Variants in POLR2B observed in about 807,000 individuals in gnomAD.
POLR2B encodes DNA-directed RNA polymerase II subunit RPB2.
A neutral mutation model predicts 144.6 loss-of-function variants in POLR2B; 57 were observed. The ratio of observed to expected loss-of-function variants is 0.39; its 90% CI spans 0.32 to 0.49. POLR2B has a LOEUF of 0.49. Ranked by LOEUF, POLR2B falls within the 20% of genes least tolerant of loss-of-function variation. The probability of loss-of-function intolerance (pLI) is 0.83; values close to 1 mark genes in which losing one functional copy is unlikely to be tolerated. For synonymous variants in POLR2B, 442 were observed against 469.8 expected (o/e 0.94, Z 0.77); for missense variants, 595 against 1,467.4 (o/e 0.41, Z 9.71).
In POLR2B at chr4:57,005,186, T is replaced by C; in HGVS notation, c.901-60T>C. 3 of 947,440 alleles carry C rather than the reference T, an allele frequency of 3.2e-6. No individual in the cohort carries two copies. The South Asian group carries it at 6.6e-5, about 21-fold the overall frequency. 58.7% of individuals were successfully genotyped at this position (947,440 alleles called of 1,614,324 possible). On this transcript the variant is annotated intron_variant, in intron 7 of 24. Coordinates refer to ENST00000314595, the MANE Select transcript of POLR2B (RefSeq NM_000938.3). ...GCATGTTATAAACTAAGTGACAGTT[T>C]ACTCATTTTAAGGTAGCAACATGAA...
intron 10 of POLR2B, 94 bp from the exon 11 acceptor site, chr4:57,010,263 TACTC>T: frequency 1.9e-6 from 2 of 1,057,178 alleles, no homozygotes; most frequent in Non-Finnish European, 2.8e-6. Context: ...AACAGTTTGA[TACTC>T]AGTAGATTAT....
At position 57,016,983 on chromosome 4, in the gene POLR2B, A is replaced by T. The variant is rs1410030559; in HGVS notation, c.1956-60A>T. 36 of 780,496 alleles carry T rather than the reference A, an allele frequency of 4.6e-5. No individual in the cohort carries two copies. In the East Asian group the frequency reaches 9.7e-4, roughly 21 times the overall value. The allele number at this position is 780,496 out of a possible 1,614,324, so 48.3% of individuals were successfully genotyped here. A position where few individuals can be genotyped will look rare whatever the true frequency, so the allele number is the denominator to read the frequency against. On this transcript the variant is annotated intron_variant, in intron 14 of 24. Coordinates refer to ENST00000314595, the MANE Select transcript of POLR2B (RefSeq NM_000938.3). The stretch of plus-strand genomic sequence containing the variant: ...TATAAATATAGGAATACTTTTAAGT[A>T]GGAGGAATAGTTAGTTAAAATACTT...
rs368061497 is a variant in POLR2B, at chr4:56,996,531, G to A, written c.735+1122G>A. ...GATCTCCTGACCTCGTGATCCGCCC[G>A]CCTCGGCCTCCAAAAGTGCTGGGAT... On this transcript the variant is annotated intron_variant, in intron 6 of 24. Coordinates refer to ENST00000314595, the MANE Select transcript of POLR2B (RefSeq NM_000938.3). Among the ~76,000 whole-genome samples, 94 of 151,210 alleles carry A rather than the reference G, an allele frequency of 6.2e-4. 1 individual carries two copies. The highest frequency in any genetic ancestry group is 1.2e-3 in the Non-Finnish European group (79 of 67,828).
At chr4:57,026,587 A>G (rs563232299) in intron 23 of POLR2B, among the ~76,000 whole-genome samples, 25 of 152,136 alleles carry the variant, frequency 1.6e-4, no homozygotes, top group African/African-American at 6.0e-4. Flanking sequence ...TAATAAGCTC[A>G]TTACGTGTTA....
chr4:56,999,383 A>G (rs1578568882), intron 6 of POLR2B, among the ~76,000 whole-genome samples: 1 of 151,942 alleles, frequency 6.6e-6, no homozygotes, highest in East Asian at 1.9e-4. Flanking sequence ...GCATGCAGAT[A>G]GGAGAGAATG....
At chr4:57,005,820 G>C in intron 9 of POLR2B, 101 bp downstream of exon 9, 1 of 1,048,032 alleles carries the variant, frequency 9.5e-7, no homozygotes, top group Non-Finnish European at 1.4e-6. Context: ...CATCCACGTT[G>C]GGTACTTATG....
chr4:57,015,959 A>G (rs1487880220), intron 14 of POLR2B, among the ~76,000 whole-genome samples: 3 of 152,040 alleles, frequency 2.0e-5, no homozygotes, highest in South Asian at 2.1e-4. Flanking sequence ...GGGTTTCGCC[A>G]TGTTGGCCAG....
rs564914462 is a variant in POLR2B, at chr4:56,984,009, C to A, written c.20-2345C>A. Among the ~76,000 whole-genome samples the A allele has an allele frequency of 1.6e-4, 24 of 151,584 alleles. No homozygotes were observed. The East Asian group carries it at 4.5e-3, about 29-fold the overall frequency. On this transcript the variant is annotated intron_variant, in intron 1 of 24. Transcript: ENST00000314595. Reference sequence around the variant, plus strand: ...CCTTCCTAGTAGCTGGGACTACAGGCAGGTGCCACCATGCCTGGCTAATTT... The same window carrying A: ...CCTTCCTAGTAGCTGGGACTACAGGAAGGTGCCACCATGCCTGGCTAATTT...
intron 16 of POLR2B, among the ~76,000 whole-genome samples, chr4:57,020,308 A>ATG (rs1480048796): frequency 3.9e-5 from 6 of 152,210 alleles, no homozygotes; most frequent in Non-Finnish European, 8.8e-5. Flanking sequence ...CTGGGATTAC[A>ATG]GGCGTGAGCC....
At chr4:57,016,990 A>C in intron 14 of POLR2B, 53 bp from the exon 15 acceptor site, 1 of 930,986 alleles carries the variant, frequency 1.1e-6, no homozygotes, top group Non-Finnish European at 1.6e-6. Context: ...AGTAGGAGGA[A>C]TAGTTAGTTA....
intron 6 of POLR2B, among the ~76,000 whole-genome samples, chr4:56,996,228 G>T (rs1412344365): frequency 7.0e-6 from 1 of 142,924 alleles, no homozygotes. Context: ...GTGTGTGTGT[G>T]TGTGTGTGTG....
At chr4:56,987,903 C>G (rs1722381292) in intron 2 of POLR2B, among the ~76,000 whole-genome samples, 1 of 151,072 alleles carries the variant, frequency 6.6e-6, no homozygotes, top group Non-Finnish European at 1.5e-5. Flanking sequence ...GATGTTGATT[C>G]AGCATGTTGT....
intron 1 of POLR2B, among the ~76,000 whole-genome samples, chr4:56,979,458 G>A (rs1722084244): frequency 6.8e-6 from 1 of 146,682 alleles, no homozygotes; most frequent in South Asian, 2.2e-4. Flanking sequence ...TGGGGGTGGC[G>A]GGGGGGACTC....
At position 57,017,527 on chromosome 4, in the gene POLR2B, T is replaced by G. The variant is rs376408566; in HGVS notation, c.2155-33T>G. ...TCTTTTCCATTAGTGATAGTAACTT[T>G]TTGTTGTTTCTGCTTTTCATTTTTA... On this transcript the variant is annotated intron_variant, in intron 15 of 24. Coordinates refer to ENST00000314595, the MANE Select transcript of POLR2B (RefSeq NM_000938.3). This position sits in a 1 kb window ranked among gnomAD's most constrained non-coding sequence, Gnocchi z 4.8. 59 of 1,535,362 alleles carry G rather than the reference T, an allele frequency of 3.8e-5. No individual in the cohort carries two copies. In the East Asian group the frequency reaches 5.4e-4, roughly 14 times the overall value.
At chr4:57,026,130 C>T (rs569465764) in intron 23 of POLR2B, among the ~76,000 whole-genome samples, 2 of 151,938 alleles carry the variant, frequency 1.3e-5, no homozygotes, top group East Asian at 1.9e-4. Flanking sequence ...CCCAGCTACT[C>T]GGGAGGCTGA....
At chr4:57,025,228 C>G in intron 22 of POLR2B, 149 bp from the exon 23 acceptor site, 3 of 694,752 alleles carry the variant, frequency 4.3e-6, no homozygotes, top group Non-Finnish European at 7.4e-6. Flanking sequence ...CACTCCCACC[C>G]CAAGCTAATT....
At position 56,994,384 on chromosome 4, in the gene POLR2B, G is replaced by A. The variant is rs200190885; in HGVS notation, c.244-20G>A. 7.8e-7 allele frequency: 1 copy of A among 1,275,836 alleles called. No homozygotes were observed. Among genetic ancestry groups the A allele is most frequent in the Admixed American group, 1.9e-5 (1 of 53,170 alleles). The allele number at this position is 1,275,836 out of a possible 1,614,324, so 79.0% of individuals were successfully genotyped here. ...GGAAAAAATTATTTACCCTTTTCAT[G>A]TTTTTTTGTTTAATTTCAGCCACGA... On this transcript the variant is annotated intron_variant, in intron 3 of 24. Transcript: ENST00000314595.
In POLR2B at chr4:56,994,681, A is replaced by G. The variant is rs774480932; in HGVS notation, c.391A>G (p.Thr131Ala). 1.9e-6 allele frequency: 3 copies of G among 1,613,134 alleles called. No homozygotes were observed. In the East Asian group the frequency reaches 6.7e-5, roughly 36 times the overall value. ...TCCGCTTTATGTTGATATAACAAAAACAGTCATTAAAGAAGGTGAAGAACA... is the reference window on the plus strand; with the variant it reads ...TCCGCTTTATGTTGATATAACAAAAGCAGTCATTAAAGAAGGTGAAGAACA... ...SAPLYVDITK[T>A]VIKEGEEQLQ... Residue 131 changes from threonine to alanine, a missense_variant, in exon 5 of 25, where the codon ACA becomes GCA. Thr to Ala is a moderately conservative substitution (Grantham distance 58). Coordinates refer to ENST00000314595, the MANE Select transcript of POLR2B (RefSeq NM_000938.3).
rs1183580771 is a variant in POLR2B at position 57,023,332 on chromosome 4, A to T, written c.2518A>T (p.Met840Leu). 1 of 1,613,892 alleles carries T rather than the reference A, an allele frequency of 6.2e-7. No individual in the cohort carries two copies. The highest frequency in any genetic ancestry group is 1.7e-5 in the Admixed American group (1 of 60,010). ...ATTCCGTGTCTATTTCCTCACAGGC[A>T]TGAGGCATGCCATTTACGACAAGCT... ...EKPTRETCQG[M>L]RHAIYDKLDD... The change falls in exon 19 of 25, where the codon ATG becomes TTG. Residue 840 changes from methionine to leucine, a missense_variant and splice_region_variant. Transcript: ENST00000314595. This position sits in a 1 kb window ranked among gnomAD's most constrained non-coding sequence, Gnocchi z 4.3.
Sources: allele counts gnomAD v4.1 joint callset (sites outside exome capture counted in the v4.1 genomes callset), GRCh38; gene constraint gnomAD v4.1.1; non-coding constraint Gnocchi (gnomAD v3.1); transcripts MANE v1.5; gene names NCBI Gene and HGNC (gene_info 2026-07-23, HGNC 2026-07-21).